Variants in RAB6A observed in about 807,000 individuals in gnomAD.
The protein encoded by RAB6A is ras-related protein Rab-6A.
In RAB6A, 8 loss-of-function variants were observed where a neutral mutation model predicts 32.3. That is an observed-to-expected ratio of 0.25 (90% CI 0.15 to 0.45). The LOEUF is 0.45. Ranked by LOEUF, RAB6A falls within the 20% of genes least tolerant of loss-of-function variation. The probability of loss-of-function intolerance (pLI) is 1.00; values close to 1 mark genes in which losing one functional copy is unlikely to be tolerated. For synonymous variants in RAB6A, 73 were observed against 82.1 expected (o/e 0.89, Z 0.60); for missense variants, 104 against 249.4 (o/e 0.42, Z 3.93).
chr11:73,676,847 A>G lies in RAB6A; in HGVS notation c.*1051T>C, dbSNP rs1945276184. 6.0e-6 allele frequency: 1 copy of G among 167,048 alleles called. No homozygotes were observed. The highest frequency in any genetic ancestry group is 1.5e-5 in the Non-Finnish European group (1 of 68,124). 10.3% of individuals were successfully genotyped at this position (167,048 alleles called of 1,614,324 possible). The stretch of plus-strand genomic sequence containing the variant: ...GCTTTAGACATCATTATTTCTACTA[A>G]TTCAGTAGTTTTGATCGTAGCGCCA... On this transcript the variant is annotated 3_prime_UTR_variant, in exon 8 of 8. Coordinates refer to ENST00000336083, the MANE Select transcript of RAB6A (RefSeq NM_198896.2).
intron 1 of RAB6A, among the ~76,000 whole-genome samples, chr11:73,755,589 G>A (rs1237602090): frequency 1.3e-5 from 2 of 152,064 alleles, no homozygotes; most frequent in African/African-American, 2.4e-5. Context: ...CACCGCACCC[G>A]GCCTAAATGT....
At chr11:73,704,792 C>T (rs1164230359) in intron 6 of RAB6A, among the ~76,000 whole-genome samples, 1 of 151,654 alleles carries the variant, frequency 6.6e-6, no homozygotes, top group South Asian at 2.1e-4. Context: ...GTCAGGAGAT[C>T]GAGACCATCC....
Position 73,707,533 on chromosome 11 carries a change from C to A in RAB6A, c.402-20G>T, listed in dbSNP as rs1945867707. 2 of 1,549,022 alleles carry A rather than the reference C, an allele frequency of 1.3e-6. No homozygotes were observed. Among genetic ancestry groups the A allele is most frequent in the Non-Finnish European group, 8.9e-7 (1 of 1,122,468 alleles). On this transcript the variant is annotated intron_variant, in intron 5 of 7. Coordinates refer to ENST00000336083, the MANE Select transcript of RAB6A (RefSeq NM_198896.2). The stretch of plus-strand genomic sequence containing the variant: ...ACTTGCCTGTAAAGAAACAAACAAA[C>A]TTCTTACTTTTGAGACATGAGGCAG...
At chr11:73,722,675 A>G (rs1232238532) in intron 2 of RAB6A, 2 of 151,976 alleles carry the variant, frequency 1.3e-5, no homozygotes, top group African/African-American at 4.8e-5. Flanking sequence ...TGCAATGTTG[A>G]TAAGTCTTTA....
At chr11:73,753,804 C>T (rs1049367736) in intron 1 of RAB6A, among the ~76,000 whole-genome samples, 24 of 152,102 alleles carry the variant, frequency 1.6e-4, no homozygotes, top group African/African-American at 1.2e-4. Context: ...TGAGCCACCA[C>T]GCCCAGCCTT....
intron 1 of RAB6A, among the ~76,000 whole-genome samples, chr11:73,733,724 T>C (rs951880169): frequency 2.0e-5 from 3 of 151,996 alleles, no homozygotes; most frequent in Non-Finnish European, 4.4e-5. Context: ...AAAGAATATA[T>C]ACTCTGTAAT....
chr11:73,749,404 G>C (rs1414095044), intron 1 of RAB6A, among the ~76,000 whole-genome samples: 1 of 152,164 alleles, frequency 6.6e-6, no homozygotes, highest in South Asian at 2.1e-4. Context: ...ACTGGGTAGA[G>C]TGTACACTGC....
intron 5 of RAB6A, among the ~76,000 whole-genome samples, chr11:73,714,209 A>AAATAT (rs35864471): frequency 6.1e-4 from 35 of 57,566 alleles, no homozygotes; most frequent in African/African-American, 2.0e-3. Context: ...AAAAAAAAAA[A>AAATAT]ATATATATAT....
intron 5 of RAB6A, among the ~76,000 whole-genome samples, chr11:73,714,209 A>AAAT (rs35864471): frequency 0.014 from 786 of 57,432 alleles, 30 homozygotes; most frequent in African/African-American, 0.045. Context: ...AAAAAAAAAA[A>AAAT]ATATATATAT....
chr11:73,685,885 CAAAAAA>C (rs56270679), intron 6 of RAB6A, among the ~76,000 whole-genome samples: 7 of 103,028 alleles, frequency 6.8e-5, no homozygotes, highest in Admixed American at 2.0e-4. Context: ...AACTCCGTCT[CAAAAAA>C]AAAAAAAAAA....
At chr11:73,697,898 T>C (rs1011000319) in intron 6 of RAB6A, among the ~76,000 whole-genome samples, 3 of 152,196 alleles carry the variant, frequency 2.0e-5, no homozygotes, top group Admixed American at 6.5e-5. Flanking sequence ...ATTATACATA[T>C]AGATTTCTGA....
intron 5 of RAB6A, among the ~76,000 whole-genome samples, chr11:73,713,707 A>T (rs1434794077): frequency 6.6e-6 from 1 of 152,218 alleles, no homozygotes; most frequent in African/African-American, 2.4e-5. Context: ...ATGCTTATAA[A>T]AGCCCAAAAT....
At chr11:73,736,798 G>GA (rs1217713529) in intron 1 of RAB6A, among the ~76,000 whole-genome samples, 41 of 38,576 alleles carry the variant, frequency 1.1e-3, no homozygotes, top group East Asian at 3.2e-3. Flanking sequence ...TCTCGAGAAA[G>GA]AAAAAAAAAA....
At chr11:73,711,097 C>G (rs1945951488) in intron 5 of RAB6A, among the ~76,000 whole-genome samples, 1 of 152,174 alleles carries the variant, frequency 6.6e-6, no homozygotes, top group African/African-American at 2.4e-5. Flanking sequence ...CCTGGTATCT[C>G]TGAAGCAGTG....
At chr11:73,688,508 G>A (rs535138731) in intron 6 of RAB6A, among the ~76,000 whole-genome samples, 5 of 152,148 alleles carry the variant, frequency 3.3e-5, no homozygotes, top group Non-Finnish European at 4.4e-5. Flanking sequence ...TTCTGGCTCC[G>A]GAGAAATAAG....
At chr11:73,722,322 TATATATA>T (rs1946147907) in intron 2 of RAB6A, 1 of 8,758 alleles carries the variant, frequency 1.1e-4, no homozygotes, top group African/African-American at 3.7e-4. Flanking sequence ...TATATATATA[TATATATA>T]TATATATATA....
intron 5 of RAB6A, among the ~76,000 whole-genome samples, chr11:73,713,412 C>A (rs970409518): frequency 6.6e-6 from 1 of 151,922 alleles, no homozygotes; most frequent in East Asian, 1.9e-4. Flanking sequence ...CTACTAAAAA[C>A]ACAAAAAATT....
intron 6 of RAB6A, among the ~76,000 whole-genome samples, chr11:73,683,563 A>G (rs114457273): frequency 5.4e-4 from 79 of 145,024 alleles, no homozygotes; most frequent in African/African-American, 2.0e-3. Flanking sequence ...TGGTGGCACT[A>G]TTTTTTTTAG....
chr11:73,702,677 G>GT (rs1175367802), intron 6 of RAB6A, among the ~76,000 whole-genome samples: 1 of 152,104 alleles, frequency 6.6e-6, no homozygotes, highest in East Asian at 1.9e-4. Context: ...TTAGAAGCCA[G>GT]TAACAATTAA....
Sources: allele counts gnomAD v4.1 joint callset (sites outside exome capture counted in the v4.1 genomes callset), GRCh38; gene constraint gnomAD v4.1.1; transcripts MANE v1.5; gene names NCBI Gene and HGNC (gene_info 2026-07-23, HGNC 2026-07-21).